The following TANC1 variants were observed in gnomAD, a reference collection of about 807,000 sequenced individuals.
TANC1 encodes protein TANC1.
Under a neutral mutation model 149.7 loss-of-function variants are expected in TANC1, and 77 were observed. The ratio of observed to expected loss-of-function variants is 0.51; its 90% confidence interval spans 0.43 to 0.62. The LOEUF is 0.62. TANC1 is among the 20% of genes least tolerant of loss of function. The pLI is 0.00. For synonymous variants in TANC1, 854 were observed against 925.0 expected, an observed-to-expected ratio of 0.92 and a Z score of 1.39; for missense variants, 1,985 against 2,321.8, an observed-to-expected ratio of 0.85 and a Z score of 2.98.
At chr2:159,186,779 C>T (rs1202518623) in intron 15 of TANC1, 123 bp from the exon 16 acceptor site, 1 of 1,251,326 alleles carries the variant, frequency 8.0e-7, no homozygotes, top group African/African-American at 1.5e-5. Context: ...GACCCCGTGC[C>T]TTCTGCAGGT....
chr2:159,091,962 A>AGC (rs2045589909), intron 3 of TANC1, among the ~76,000 whole-genome samples: 1 of 139,922 alleles, frequency 7.1e-6, no homozygotes, highest in South Asian at 2.3e-4. Flanking sequence ...CTGTAAATAT[A>AGC]GGGGGGGGTG....
intron 11 of TANC1, among the ~76,000 whole-genome samples, chr2:159,172,687 G>C (rs941957848): frequency 6.6e-6 from 1 of 152,214 alleles, no homozygotes; most frequent in African/African-American, 2.4e-5. Context: ...GAGGTTTCTC[G>C]TGAAGTTGTA....
intron 4 of TANC1, among the ~76,000 whole-genome samples, chr2:159,112,737 G>A (rs894201157): frequency 7.2e-5 from 11 of 151,908 alleles, no homozygotes; most frequent in East Asian, 3.9e-4. Context: ...CACCATGGCC[G>A]GGTAATTTTT....
intron 5 of TANC1, among the ~76,000 whole-genome samples, chr2:159,146,895 C>T (rs1159586977): frequency 6.6e-6 from 1 of 151,882 alleles, no homozygotes; most frequent in African/African-American, 2.4e-5. Flanking sequence ...TGCTCCCCAA[C>T]TTATCTGAAA....
chr2:159,180,403 G>A lies in TANC1; in HGVS notation c.2510+1240G>A, dbSNP rs146259523. Reference sequence around the variant, plus strand: ...CAAATTGAAAGACTCCATCAGGAGTGTAGGTTGTTACTGGGTTGGAGGCTA... The same window carrying A: ...CAAATTGAAAGACTCCATCAGGAGTATAGGTTGTTACTGGGTTGGAGGCTA... On this transcript the variant is annotated intron_variant, in intron 14 of 26. Transcript: ENST00000263635. Among the ~76,000 whole-genome samples the A allele has an allele frequency of 2.0e-4, 31 of 152,368 alleles. No individual in the cohort carries two copies. The East Asian group carries it at 5.8e-3, about 28-fold the overall frequency.
chr2:159,215,575 G>A (rs1384690267), intron 19 of TANC1, among the ~76,000 whole-genome samples: 1 of 152,204 alleles, frequency 6.6e-6, no homozygotes, highest in African/African-American at 2.4e-5. Context: ...AGACCAAGGG[G>A]TGTGTGCAGA....
chr2:158,971,452 A>G (rs2032865503), intron 1 of TANC1, among the ~76,000 whole-genome samples: 1 of 152,026 alleles, frequency 6.6e-6, no homozygotes, highest in African/African-American at 2.4e-5. Context: ...ACATTTACAG[A>G]AGCAAAATAA....
intron 7 of TANC1, among the ~76,000 whole-genome samples, chr2:159,154,958 TCA>T (rs1217332562): frequency 6.6e-6 from 1 of 152,208 alleles, no homozygotes; most frequent in African/African-American, 2.4e-5. Flanking sequence ...ACATTTTTTC[TCA>T]GTGACATTCC....
rs1301654043 is a variant in TANC1 at position 159,219,709 on chromosome 2, C to G, written c.3520C>G (p.Leu1174Val). The change falls in exon 22 of 27, where the codon CTA becomes GTA. Residue 1174 changes from leucine (L) to valine (V), a missense_variant. Physicochemically the swap from Leu to Val is conservative, Grantham distance 32. Transcript: ENST00000263635. ...LLSKGAALSS[L>V]DKEGLSALSW... is the part of the protein sequence containing the mutation. ...CCTTTCAGGTGCAGCCCTTTCTTCT[C>G]TAGACAAAGAGGGTCTGTCAGCATT... The G allele has an allele frequency of 6.2e-7, 1 of 1,614,186 alleles. No individual in the cohort carries two copies. Among genetic ancestry groups the G allele is most frequent in the East Asian group, 2.2e-5 (1 of 44,882 alleles).
At chr2:159,071,186 C>T (rs1463165634) in intron 3 of TANC1, among the ~76,000 whole-genome samples, 1 of 152,120 alleles carries the variant, frequency 6.6e-6, no homozygotes, top group East Asian at 1.9e-4. Flanking sequence ...GAAGTAGGTT[C>T]AAGCTGAGGC....
At chr2:159,096,213 A>C (rs1433518993) in intron 3 of TANC1, among the ~76,000 whole-genome samples, 1 of 151,626 alleles carries the variant, frequency 6.6e-6, no homozygotes, top group Non-Finnish European at 1.5e-5. Context: ...CTTAGTACAT[A>C]CTAACGAGCG....
chr2:158,986,187 G>C (rs550382773), intron 1 of TANC1, among the ~76,000 whole-genome samples: 1 of 152,114 alleles, frequency 6.6e-6, no homozygotes. Context: ...TTAACAAGAC[G>C]GAATGAGAAC....
intron 1 of TANC1, among the ~76,000 whole-genome samples, chr2:158,989,728 ATGAAGATGTCAAGTCCC>A (rs2035416290): frequency 3.3e-5 from 5 of 151,864 alleles, no homozygotes; most frequent in African/African-American, 1.2e-4. Flanking sequence ...CATAATAATT[ATGAAGATGTCAAGTCCC>A]TTAGGACTGC....
At chr2:159,228,065 T>C (rs975785701) in intron 25 of TANC1, 100 bp downstream of exon 25, 10 of 1,331,262 alleles carry the variant, frequency 7.5e-6, no homozygotes, top group Non-Finnish European at 9.2e-6. Flanking sequence ...TGGGCCCTCC[T>C]GTCCAATTTG....
intron 2 of TANC1, among the ~76,000 whole-genome samples, chr2:159,045,086 G>A (rs1004073444): frequency 1.3e-5 from 2 of 152,218 alleles, no homozygotes; most frequent in African/African-American, 2.4e-5. Context: ...TAGAATTAGG[G>A]GGAGGAGGAG....
chr2:159,170,334 A>G (rs552782960), intron 9 of TANC1, among the ~76,000 whole-genome samples, 190 bp from the exon 10 acceptor site: 25 of 152,250 alleles, frequency 1.6e-4, no homozygotes, highest in East Asian at 1.9e-4. Context: ...TATTGGTCCA[A>G]TAGGTCCAAT....
At chr2:159,136,149 T>C (rs983301853) in intron 4 of TANC1, 45 bp from the exon 5 acceptor site, 18 of 1,167,418 alleles carry the variant, frequency 1.5e-5, no homozygotes, top group Non-Finnish European at 2.2e-5. Flanking sequence ...AGGCTTTGTT[T>C]GCATCTGGAA....
chr2:159,035,167 G>A (rs1377931681), intron 2 of TANC1, among the ~76,000 whole-genome samples: 1 of 152,196 alleles, frequency 6.6e-6, no homozygotes, highest in African/African-American at 2.4e-5. Flanking sequence ...TTGCAAGAAA[G>A]TGATGACCAC....
chr2:158,994,996 A>T (rs990072232), intron 1 of TANC1, among the ~76,000 whole-genome samples: 5 of 152,236 alleles, frequency 3.3e-5, no homozygotes, highest in African/African-American at 1.2e-4. Context: ...AGAGCTGAGT[A>T]TAAATTTAAA....
Sources: allele counts gnomAD v4.1 joint callset (sites outside exome capture counted in the v4.1 genomes callset), GRCh38; gene constraint gnomAD v4.1.1; transcripts MANE v1.5; gene names NCBI Gene and HGNC (gene_info 2026-07-23, HGNC 2026-07-21).